ASXL1: variants seen among roughly 807,000 people sequenced by gnomAD.
The protein encoded by ASXL1 is ASXL transcriptional regulator 1, also known as polycomb group protein ASXL1.
ASXL1 carries 65 observed loss-of-function variants against 89.1 expected under a neutral mutation model. The ratio of observed to expected loss-of-function variants is 0.73; its 90% CI spans 0.60 to 0.90. The LOEUF (loss-of-function observed/expected upper bound fraction) is 0.90. Among genes scored for constraint, ASXL1 ranks in the 40% least tolerant of loss-of-function variants. The pLI, the probability that ASXL1 is intolerant of heterozygous loss-of-function variation, is 0.00. For missense variants in ASXL1, 1,786 were observed against 1,942.9 expected (o/e 0.92, Z 1.52); for synonymous variants, 739 against 746.9 (o/e 0.99, Z 0.17).
intron 4 of ASXL1, among the ~76,000 whole-genome samples, chr20:32,408,530 G>A (rs765957356): frequency 8.5e-5 from 13 of 152,054 alleles, no homozygotes; most frequent in Non-Finnish European, 1.5e-4. Context: ...AAATTGCTTG[G>A]ACTGCTTTTG....
chr20:32,380,577 CTT>C (rs1488526264), intron 4 of ASXL1, among the ~76,000 whole-genome samples: 1 of 151,968 alleles, frequency 6.6e-6, no homozygotes, highest in Non-Finnish European at 1.5e-5. Context: ...CATAGCGAAA[CTT>C]TTGTCTCTAC....
intron 4 of ASXL1, among the ~76,000 whole-genome samples, chr20:32,388,675 G>C (rs1420045265): frequency 6.6e-6 from 1 of 152,086 alleles, no homozygotes; most frequent in Non-Finnish European, 1.5e-5. Flanking sequence ...TTTTGCATCT[G>C]TATTTACAAG....
In ASXL1 at chr20:32,429,412, C is replaced by A. The variant is rs1247131121; in HGVS notation, c.546C>A (p.Ala182=). The change falls in exon 7 of 13, where the codon GCC becomes GCA. Residue 182 remains alanine (A), a synonymous_variant. Coordinates refer to ENST00000375687, the MANE Select transcript of ASXL1 (RefSeq NM_015338.6). This position sits in a 1 kb window ranked among gnomAD's most constrained non-coding sequence, Gnocchi z 4.9. ...VVLTPLKVNG[A]HVESASGFSG... is the part of the protein sequence containing the mutation. ...TGACTCCTCTGAAGGTAAACGGGGC[C>A]CACGTGGAATCTGCATCAGGTATGT... The A allele has an allele frequency of 1.9e-6, 3 of 1,613,900 alleles. No individual in the cohort carries two copies. Among genetic ancestry groups the A allele is most frequent in the Non-Finnish European group, 2.5e-6 (3 of 1,179,972 alleles).
At chr20:32,371,702 C>T (rs1254347832) in intron 4 of ASXL1, 1 of 414,720 alleles carries the variant, frequency 2.4e-6, no homozygotes, top group Non-Finnish European at 4.9e-6. Context: ...AACTCCTGGG[C>T]TCAAGCAGTA....
At chr20:32,359,035 G>A (rs1318224252) in intron 1 of ASXL1, 12 of 607,872 alleles carry the variant, frequency 2.0e-5, no homozygotes, top group Non-Finnish European at 3.1e-5. Flanking sequence ...TTTTCCGCTC[G>A]CCCTCGCGCC....
At chr20:32,403,873 T>C (rs1489050717) in intron 4 of ASXL1, among the ~76,000 whole-genome samples, 1 of 152,122 alleles carries the variant, frequency 6.6e-6, no homozygotes, top group Non-Finnish European at 1.5e-5. Flanking sequence ...TTTATTTAGG[T>C]TGTCTTTTTT....
chr20:32,432,834 T>C (rs2011562013), intron 10 of ASXL1, 46 bp from the exon 11 acceptor site: 1 of 1,606,392 alleles, frequency 6.2e-7, no homozygotes, highest in African/African-American at 1.3e-5. Context: ...AAGACAGACA[T>C]TAATATCCCG....
chr20:32,370,095 A>G (rs1051941228), intron 4 of ASXL1, among the ~76,000 whole-genome samples: 1 of 152,068 alleles, frequency 6.6e-6, no homozygotes, highest in African/African-American at 2.4e-5. Context: ...TGTAAGACCT[A>G]CTCTATGGAA....
intron 4 of ASXL1, among the ~76,000 whole-genome samples, chr20:32,417,819 G>C (rs1173075987): frequency 6.6e-6 from 1 of 152,096 alleles, no homozygotes; most frequent in Non-Finnish European, 1.5e-5. Context: ...GAGGAGGGTG[G>C]ATTGCTTGCG....
intron 4 of ASXL1, among the ~76,000 whole-genome samples, chr20:32,407,344 G>A (rs912496640): frequency 1.6e-4 from 24 of 151,662 alleles, no homozygotes; most frequent in Admixed American, 1.5e-3. Flanking sequence ...ACTCCGTCTC[G>A]GGGGGAAAAA....
chr20:32,387,482 TTG>T, intron 4 of ASXL1, among the ~76,000 whole-genome samples: 1 of 152,206 alleles, frequency 6.6e-6, no homozygotes, highest in Non-Finnish European at 1.5e-5. Context: ...GTGACTTCAC[TTG>T]TCTCTTACAG....
intron 4 of ASXL1, chr20:32,372,438 T>G: frequency 2.5e-5 from 27 of 1,080,580 alleles, no homozygotes; most frequent in Non-Finnish European, 3.0e-5. Flanking sequence ...ATGGTTTGCT[T>G]GGTTGGTTCC....
chr20:32,375,464 A>G (rs2048361898), intron 4 of ASXL1, among the ~76,000 whole-genome samples: 1 of 151,890 alleles, frequency 6.6e-6, no homozygotes, highest in Non-Finnish European at 1.5e-5. Flanking sequence ...AAAAAAAGAA[A>G]AAAAGAACAA....
chr20:32,420,510 G>A (rs2049223617), intron 4 of ASXL1, among the ~76,000 whole-genome samples: 1 of 151,686 alleles, frequency 6.6e-6, no homozygotes, highest in South Asian at 2.1e-4. Context: ...TTCAACATTA[G>A]CTTCTTTTCT....
intron 10 of ASXL1, chr20:32,432,252 T>G (rs566776767): frequency 1.7e-5 from 3 of 176,694 alleles, no homozygotes; most frequent in African/African-American, 7.2e-5. Context: ...ATGTGTTGGC[T>G]TCCAAGGTCC....
At chr20:32,412,723 A>ATTT (rs35620296) in intron 4 of ASXL1, among the ~76,000 whole-genome samples, 73 of 138,582 alleles carry the variant, frequency 5.3e-4, no homozygotes, top group Middle Eastern at 3.6e-3. Flanking sequence ...TGGCTGGCTA[A>ATTT]TTTTTTTTTT....
intron 1 of ASXL1, among the ~76,000 whole-genome samples, chr20:32,362,079 G>C (rs1321343714): frequency 6.6e-6 from 1 of 151,940 alleles, no homozygotes; most frequent in Non-Finnish European, 1.5e-5. Flanking sequence ...CAAAACAAAA[G>C]AAAAAACCAG....
chr20:32,432,391 T>C (rs556745373), intron 10 of ASXL1: 6 of 191,646 alleles, frequency 3.1e-5, no homozygotes, highest in Non-Finnish European at 6.5e-5. Context: ...GGGCTGATCA[T>C]GTAGGAAGCC....
intron 4 of ASXL1, among the ~76,000 whole-genome samples, chr20:32,378,012 C>CA (rs1371049533): frequency 2.1e-5 from 1 of 48,332 alleles, no homozygotes; most frequent in Non-Finnish European, 3.9e-5. Flanking sequence ...GTTTTGGAGA[C>CA]AGAGTCTCAC....
Sources: gnomAD v4.1 joint callset for allele counts (sites outside exome capture counted in the v4.1 genomes callset) on GRCh38, gnomAD v4.1.1 for gene constraint, Gnocchi (gnomAD v3.1) non-coding constraint, MANE v1.5 for transcripts, NCBI Gene and HGNC (gene_info 2026-07-23, HGNC 2026-07-21) for gene names.